Variants in CNTRL observed in about 807,000 individuals in gnomAD.
The protein encoded by CNTRL is centriolin, also known as 110 kDa centrosomal protein.
A neutral mutation model predicts 303.7 loss-of-function variants in CNTRL; 233 were observed. That is an observed-to-expected ratio of 0.77 (90% confidence interval 0.69 to 0.86). The LOEUF (loss-of-function observed/expected upper bound fraction) is 0.86. Ranked by LOEUF, CNTRL falls within the 40% of genes least tolerant of loss-of-function variation. CNTRL has a pLI of 0.00. For missense variants in CNTRL, 2,524 were observed against 2,650.6 expected (o/e 0.95, Z 1.05); for synonymous variants, 900 against 922.2 (o/e 0.98, Z 0.44).
In CNTRL at chr9:121,158,088, G is replaced by A; in HGVS notation, c.4743G>A (p.Glu1581=). The change falls in exon 30 of 44, where the codon GAG becomes GAA. Residue 1581 remains glutamate (E), a synonymous_variant. Transcript: ENST00000373855. ...SEVLLQAKRA[E]LEKLKSQVTS... ...TGCTTCTTCAGGCCAAAAGAGCCGA[G>A]CTGGAAAAGCTGAAAAGCCAGGTAT... is the stretch of plus-strand genomic sequence containing the variant. 1 of 1,614,110 alleles carries A rather than the reference G, an allele frequency of 6.2e-7. No individual in the cohort carries two copies. The highest frequency in any genetic ancestry group is 8.5e-7 in the Non-Finnish European group (1 of 1,180,020).
rs1480618759 is a variant in CNTRL, at chr9:121,094,849, T to C, written c.349-39T>C. On this transcript the variant is annotated intron_variant, in intron 4 of 43. Transcript: ENST00000373855. The stretch of plus-strand genomic sequence containing the variant: ...AAATGTTGTACTTTATGTCAAGTCA[T>C]CTGTTGTGTAAAGTATTCATTCATT... 3 of 1,442,928 alleles carry C rather than the reference T, an allele frequency of 2.1e-6. No individual in the cohort carries two copies. The African/African-American group carries it at 4.3e-5, about 21-fold the overall frequency. 89.4% of individuals were successfully genotyped at this position (1,442,928 alleles called of 1,614,324 possible).
At chr9:121,155,232 T>G (rs1272394994) in intron 27 of CNTRL, among the ~76,000 whole-genome samples, 1 of 152,358 alleles carries the variant, frequency 6.6e-6, no homozygotes, top group East Asian at 1.9e-4. Flanking sequence ...ATCCTGTGTG[T>G]ATCTTTTATA....
intron 40 of CNTRL, 59 bp from the exon 41 acceptor site, chr9:121,173,184 C>T: frequency 6.9e-7 from 1 of 1,453,778 alleles, no homozygotes; most frequent in South Asian, 1.3e-5. Context: ...TCATACAGCT[C>T]AATTCCAAGT....
At position 121,162,266 on chromosome 9, in the gene CNTRL, C is replaced by T; in HGVS notation, c.5418C>T (p.Thr1806=). 1.2e-6 allele frequency: 2 copies of T among 1,612,740 alleles called. No individual in the cohort carries two copies. Among genetic ancestry groups the T allele is most frequent in the South Asian group, 2.2e-5 (2 of 91,004 alleles). Residue 1806 remains threonine (T), a synonymous_variant, in exon 34 of 44, where the codon ACC becomes ACT. Coordinates refer to ENST00000373855, the MANE Select transcript of CNTRL (RefSeq NM_007018.6). ...TTTGGGAAAAAAAGTTGGCACAAACCAAAAGGTGAGAGCAAGAACAAATAA... is the reference window on the plus strand; with the variant it reads ...TTTGGGAAAAAAAGTTGGCACAAACTAAAAGGTGAGAGCAAGAACAAATAA... The part of the protein sequence containing the change: ...CDIWEKKLAQ[T]KRVLAAAEEN...
At chr9:121,095,250 T>A (rs1487785138) in intron 5 of CNTRL, among the ~76,000 whole-genome samples, 1 of 152,204 alleles carries the variant, frequency 6.6e-6, no homozygotes, top group Non-Finnish European at 1.5e-5. Flanking sequence ...GAGATATATT[T>A]TTGAGCACCA....
At position 121,092,803 on chromosome 9, in the gene CNTRL, CTA is replaced by C. The variant is rs1356571150; in HGVS notation, c.349-2071_349-2070del. ...CTATATAGATATGTAATATATATATCTATATATATATATATTTTTTTTTTTTT... is the reference window on the plus strand; with the variant it reads ...CTATATAGATATGTAATATATATATCTATATATATATATTTTTTTTTTTTT... On this transcript the variant is annotated intron_variant, in intron 4 of 43. Transcript: ENST00000373855. Among the ~76,000 whole-genome samples the C allele has an allele frequency of 6.4e-3, 372 of 57,684 alleles. 97 individuals are homozygous for C. The highest frequency in any genetic ancestry group is 0.024 in the African/African-American group (295 of 12,536). 37.8% of individuals were successfully genotyped at this position (57,684 alleles called of 152,430 possible).
chr9:121,103,069 A>G (rs1215288167), intron 7 of CNTRL, among the ~76,000 whole-genome samples: 1 of 152,204 alleles, frequency 6.6e-6, no homozygotes, highest in Admixed American at 6.5e-5. Flanking sequence ...ATATGGAACC[A>G]AAAAAGAGCC....
chr9:121,165,170 C>A, intron 35 of CNTRL, 70 bp downstream of exon 35: 1 of 1,397,622 alleles, frequency 7.2e-7, no homozygotes, highest in Non-Finnish European at 9.6e-7. Context: ...ATTTTTCTTA[C>A]GACAAGTAAT....
intron 2 of CNTRL, among the ~76,000 whole-genome samples, chr9:121,086,815 G>A (rs1454594422): frequency 6.6e-6 from 1 of 151,910 alleles, no homozygotes; most frequent in African/African-American, 2.4e-5. Flanking sequence ...ACCACACCTA[G>A]CTAATTTTTG....
rs2050374638 is a variant in CNTRL at position 121,124,010 on chromosome 9, G to A, written c.1730G>A (p.Arg577His). The A allele has an allele frequency of 4.3e-6, 7 of 1,612,972 alleles. No homozygotes were observed. Among genetic ancestry groups the A allele is most frequent in the African/African-American group, 1.3e-5 (1 of 74,922 alleles). Residue 577 changes from arginine (R) to histidine (H), a missense_variant, in exon 13 of 44, where the codon CGT (arginine) becomes CAT (histidine). Transcript: ENST00000373855. Reference protein sequence around the residue: ...MNKQYQQLESRLDEILSRIAK... With the variant: ...MNKQYQQLESHLDEILSRIAK... ...AAGCAGTACCAACAACTTGAAAGTC[G>A]TTTGGATGAGATACTTTCTAGAATT...
Position 121,153,222 on chromosome 9 carries a change from C to T in CNTRL, c.4172+529C>T, listed in dbSNP as rs184128538. ...CTTCCATGTCTTCTCTCTTGGTCTA[C>T]GCTGTATCTTGACACACTGCAAATC... On this transcript the variant is annotated intron_variant, in intron 26 of 43. Transcript: ENST00000373855. 3.2e-4 allele frequency among the ~76,000 whole-genome samples: 49 copies of T among 152,314 alleles called. No homozygotes were observed. In the East Asian group the frequency reaches 6.2e-3, roughly 19 times the overall value.
intron 42 of CNTRL, among the ~76,000 whole-genome samples, chr9:121,174,034 T>G (rs575004426): frequency 3.3e-5 from 5 of 152,292 alleles, no homozygotes; most frequent in African/African-American, 1.2e-4. Flanking sequence ...AGAAACACAG[T>G]GATGAACTGT....
chr9:121,168,719 A>C (rs138980358), intron 38 of CNTRL, among the ~76,000 whole-genome samples: 7 of 152,342 alleles, frequency 4.6e-5, no homozygotes, highest in African/African-American at 1.7e-4. Context: ...ATGGTACCAG[A>C]ATACAGGTGT....
In CNTRL at chr9:121,171,472, A is replaced by T. The variant is rs2053300840; in HGVS notation, c.6341A>T (p.Asp2114Val). The stretch of plus-strand genomic sequence containing the variant: ...GCAACAATTGAACTGGTAGCCCAGG[A>T]CAACCATGAGCGGGCCAGGCGCCTG... ...EMATIELVAQDNHERARRLMK... is the reference protein window; with the variant it reads ...EMATIELVAQVNHERARRLMK... Residue 2114 changes from aspartate (D) to valine (V), a missense_variant, in exon 40 of 44, where the codon GAC (aspartate) becomes GTC (valine). Coordinates refer to ENST00000373855, the MANE Select transcript of CNTRL (RefSeq NM_007018.6). The T allele has an allele frequency of 6.2e-7, 1 of 1,614,018 alleles. No individual in the cohort carries two copies. Among genetic ancestry groups the T allele is most frequent in the African/African-American group, 1.3e-5 (1 of 74,938 alleles).
At chr9:121,150,022 G>A (rs2052127812) in intron 24 of CNTRL, 148 bp from the exon 25 acceptor site, 1 of 549,984 alleles carries the variant, frequency 1.8e-6, no homozygotes, top group South Asian at 3.8e-5. Flanking sequence ...TTCAAAAATA[G>A]TTTTGACCTT....
intron 12 of CNTRL, 147 bp from the exon 13 acceptor site, chr9:121,123,784 A>G (rs2050363663): frequency 3.9e-6 from 2 of 510,964 alleles, no homozygotes; most frequent in Admixed American, 4.2e-5. Flanking sequence ...AAAACTACCC[A>G]TGTGAAAACA....
At chr9:121,108,528 T>A (rs1424695166) in intron 8 of CNTRL, among the ~76,000 whole-genome samples, 3 of 152,214 alleles carry the variant, frequency 2.0e-5, no homozygotes, top group Non-Finnish European at 2.9e-5. Context: ...TGTCAATAAA[T>A]GTTTTGTAAA....
rs1182132399 is a variant in CNTRL at position 121,165,034 on chromosome 9, G to GTCT, written c.5515_5516insTCT (p.Asp1839delinsValTyr). 2 of 1,609,730 alleles carry GTCT rather than the reference G, an allele frequency of 1.2e-6. No individual in the cohort carries two copies. Among genetic ancestry groups the GTCT allele is most frequent in the African/African-American group, 2.7e-5 (2 of 74,592 alleles). ...TGTCAGAAAACTGCAGCAGGAACTA[G>GTCT]ACCAACTAAACAGAGACAAGTTGTC... On this transcript the variant is annotated protein_altering_variant, in exon 35 of 44. Transcript: ENST00000373855.
At chr9:121,102,497 A>T (rs2049229312) in intron 7 of CNTRL, among the ~76,000 whole-genome samples, 1 of 152,212 alleles carries the variant, frequency 6.6e-6, no homozygotes, top group South Asian at 2.1e-4. Flanking sequence ...CAAGACAGGG[A>T]TGCCCTCTCT....
Sources: allele counts gnomAD v4.1 joint callset (sites outside exome capture counted in the v4.1 genomes callset), GRCh38; gene constraint gnomAD v4.1.1; transcripts MANE v1.5; gene names NCBI Gene and HGNC (gene_info 2026-07-23, HGNC 2026-07-21).